WDR26: variants seen among roughly 807,000 people sequenced by gnomAD.
WDR26 encodes the protein WD repeat domain 26.
WDR26 carries 5 observed loss-of-function variants against 84.1 expected under a neutral mutation model. The observed-to-expected ratio is 0.06, with a 90% CI of 0.03 to 0.13. The LOEUF (loss-of-function observed/expected upper bound fraction) is 0.13. Among genes scored for constraint, WDR26 ranks in the 10% least tolerant of loss-of-function variants. The pLI, the probability that WDR26 is intolerant of heterozygous loss-of-function variation, is 1.00. For synonymous variants in WDR26, 415 were observed against 389.6 expected (o/e 1.07, Z -0.77); for missense variants, 642 against 974.9 (o/e 0.66, Z 4.55).
Position 224,392,884 on chromosome 1 carries a change from T to C in WDR26, c.2260+944A>G, listed in dbSNP as rs779286241. ...CAGAGAATCACTTAACTGAGAGCAA[T>C]TAGTCATCTTTCTCACTAAAAAAAA... On this transcript the variant is annotated intron_variant, in intron 13 of 13. Transcript: ENST00000414423. 7.2e-5 allele frequency among the ~76,000 whole-genome samples: 11 copies of C among 151,834 alleles called. No homozygotes were observed. In the South Asian group the frequency reaches 2.3e-3, roughly 32 times the overall value.
chr1:224,411,290 T>C (rs1385254976), intron 7 of WDR26, 137 bp downstream of exon 7: 10 of 888,906 alleles, frequency 1.1e-5, no homozygotes. Context: ...ATACAACACA[T>C]GAAGATGTAA....
intron 3 of WDR26, 67 bp downstream of exon 3, chr1:224,431,410 G>C (rs1475245027): frequency 7.0e-7 from 1 of 1,420,500 alleles, no homozygotes; most frequent in East Asian, 2.4e-5. Flanking sequence ...AGAGGCAGAA[G>C]CCTAGAGTTA....
At chr1:224,422,121 G>A (rs1456876814) in intron 4 of WDR26, among the ~76,000 whole-genome samples, 1 of 152,184 alleles carries the variant, frequency 6.6e-6, no homozygotes, top group Non-Finnish European at 1.5e-5. Flanking sequence ...GATGATGCTT[G>A]GGCTGGGAGC....
chr1:224,433,202 T>C (rs1674452930), intron 1 of WDR26, among the ~76,000 whole-genome samples: 1 of 152,186 alleles, frequency 6.6e-6, no homozygotes, highest in African/African-American at 2.4e-5. Context: ...GGTAGTTTGC[T>C]TGGGTTGTTG....
At chr1:224,432,053 T>C (rs1674406626) in intron 1 of WDR26, among the ~76,000 whole-genome samples, 1 of 152,224 alleles carries the variant, frequency 6.6e-6, no homozygotes, top group South Asian at 2.1e-4. Context: ...GCATAAAGTA[T>C]AAAATTTCTA....
At chr1:224,412,698 T>C (rs1437546803) in intron 6 of WDR26, among the ~76,000 whole-genome samples, 2 of 152,244 alleles carry the variant, frequency 1.3e-5, no homozygotes, top group African/African-American at 4.8e-5. Context: ...GGAAATGCTA[T>C]ATACCTGTGT....
intron 13 of WDR26, 26 bp from the exon 14 acceptor site, chr1:224,389,886 TG>T (rs747539206): frequency 1.2e-4 from 15 of 121,928 alleles, no homozygotes; most frequent in Non-Finnish European, 2.3e-4. Flanking sequence ...ATGAAATGTA[TG>T]GGGGGCGGGC....
chr1:224,398,754 G>A, intron 10 of WDR26, 135 bp downstream of exon 10: 1 of 1,256,364 alleles, frequency 8.0e-7, no homozygotes, highest in Non-Finnish European at 1.1e-6. Flanking sequence ...TGATTACTAA[G>A]TACCATGTGA....
intron 7 of WDR26, among the ~76,000 whole-genome samples, chr1:224,408,982 T>C (rs1247326115): frequency 7.9e-5 from 12 of 152,118 alleles, no homozygotes; most frequent in Non-Finnish European, 1.8e-4. Flanking sequence ...ATTTGGTGTT[T>C]CCTTCACTCT....
At chr1:224,409,104 A>C (rs1286283405) in intron 7 of WDR26, among the ~76,000 whole-genome samples, 1 of 152,160 alleles carries the variant, frequency 6.6e-6, no homozygotes, top group African/African-American at 2.4e-5. Context: ...ATACTAAATT[A>C]GGTAGTATTA....
intron 4 of WDR26, among the ~76,000 whole-genome samples, chr1:224,422,965 C>T (rs1316356711): frequency 1.3e-5 from 2 of 152,146 alleles, no homozygotes; most frequent in African/African-American, 4.8e-5. Flanking sequence ...CTGGAAGTGG[C>T]ACAGGTCTGT....
At chr1:224,415,982 A>G (rs1673891845) in intron 6 of WDR26, among the ~76,000 whole-genome samples, 1 of 152,260 alleles carries the variant, frequency 6.6e-6, no homozygotes, top group East Asian at 1.9e-4. Context: ...TTAGCTACAC[A>G]GGTCCTAATA....
chr1:224,421,006 G>A (rs1035341233), intron 4 of WDR26, among the ~76,000 whole-genome samples: 2 of 152,102 alleles, frequency 1.3e-5, no homozygotes, highest in African/African-American at 2.4e-5. Flanking sequence ...TTACAAAAGT[G>A]ACTTAGAATT....
intron 12 of WDR26, among the ~76,000 whole-genome samples, chr1:224,394,707 C>T (rs868604150): frequency 1.3e-5 from 2 of 151,896 alleles, no homozygotes; most frequent in African/African-American, 2.4e-5. Flanking sequence ...GGTTTAGCCA[C>T]GATGGTCTCC....
Position 224,413,688 on chromosome 1 carries a change from C to T in WDR26, c.1320-2123G>A, listed in dbSNP as rs191514677. Among the ~76,000 whole-genome samples the T allele has an allele frequency of 1.1e-4, 17 of 152,288 alleles. No homozygotes were observed. In the East Asian group the frequency reaches 2.1e-3, roughly 19 times the overall value. On this transcript the variant is annotated intron_variant, in intron 6 of 13. Coordinates refer to ENST00000414423, the MANE Select transcript of WDR26 (RefSeq NM_001379403.1). ...TAAGATTTGGACCTATGGTTGACTC[C>T]AAGACCAGTTTTCTTTCCAAATACC...
rs1319758408 is a variant in WDR26, at chr1:224,427,004, G to A, written c.928-2350C>T. Among the ~76,000 whole-genome samples, 5 of 150,102 alleles carry A rather than the reference G, an allele frequency of 3.3e-5. No individual in the cohort carries two copies. The East Asian group carries it at 9.7e-4, about 29-fold the overall frequency. On this transcript the variant is annotated intron_variant, in intron 3 of 13. Transcript: ENST00000414423. ...TGTAATCCCAGCTACTTCGGAGGCT[G>A]AGGCAGGAGAATCGATTGAAACTGG... is the stretch of plus-strand genomic sequence containing the variant.
At chr1:224,417,491 T>C (rs1422057870) in intron 6 of WDR26, among the ~76,000 whole-genome samples, 1 of 152,206 alleles carries the variant, frequency 6.6e-6, no homozygotes, top group East Asian at 1.9e-4. Flanking sequence ...TATCGATTGC[T>C]TGAGACCAGA....
At chr1:224,429,719 TTCTACAGACTGAACAGGC>T (rs1177052852) in intron 3 of WDR26, 1 of 152,192 alleles carries the variant, frequency 6.6e-6, no homozygotes, top group Non-Finnish European at 1.5e-5. Context: ...TCCTAGAATG[TTCTACAGACTGAACAGGC>T]TGTAAAAAGA....
intron 9 of WDR26, among the ~76,000 whole-genome samples, chr1:224,400,000 C>T (rs750403896): frequency 2.6e-5 from 4 of 151,984 alleles, no homozygotes; most frequent in East Asian, 1.9e-4. Flanking sequence ...AAAATGTGGA[C>T]GTGCATACTG....
Sources: allele counts gnomAD v4.1 joint callset (sites outside exome capture counted in the v4.1 genomes callset), GRCh38; gene constraint gnomAD v4.1.1; transcripts MANE v1.5; gene names NCBI Gene and HGNC (gene_info 2026-07-23, HGNC 2026-07-21).